Variants in ZNF479 observed in about 807,000 individuals in gnomAD.
ZNF479 encodes the protein KRAB zinc finger protein KR19.
Under a neutral mutation model 14.7 loss-of-function variants are expected in ZNF479, and 15 were observed. The observed-to-expected ratio is 1.02, with a 90% CI of 0.68 to 1.57. The LOEUF is 1.57. ZNF479 is among the 40% of genes most tolerant of loss of function. The pLI is 0.00. For missense variants in ZNF479, 506 were observed against 615.1 expected, an observed-to-expected ratio of 0.82 and a Z score of 1.88; for synonymous variants, 145 against 211.5, an observed-to-expected ratio of 0.69 and a Z score of 2.73.
At chr7:57,131,433 C>T (rs1251846970) in intron 1 of ZNF479, among the ~76,000 whole-genome samples, 2 of 151,774 alleles carry the variant, frequency 1.3e-5, no homozygotes, top group Admixed American at 6.6e-5. Context: ...CCTGGTGGCA[C>T]ACACCTGTAA....
At position 57,123,882 on chromosome 7, in the gene ZNF479, C is replaced by T. The variant is rs576449784; in HGVS notation, c.262+2136G>A. Among the ~76,000 whole-genome samples the T allele has an allele frequency of 2.6e-5, 4 of 151,434 alleles. No homozygotes were observed. The South Asian group carries it at 8.3e-4, about 32-fold the overall frequency. On this transcript the variant is annotated intron_variant, in intron 3 of 3. Coordinates refer to ENST00000319636, the MANE Select transcript of ZNF479 (RefSeq NM_001370129.2). ...AATCATACAGTATATGTTTTCTAACCCAAACTGAATAAAACTAAAAAGAAA... is the reference window on the plus strand; with the variant it reads ...AATCATACAGTATATGTTTTCTAACTCAAACTGAATAAAACTAAAAAGAAA...
chr7:57,121,214 C>T (rs1785932210), intron 3 of ZNF479, 62 bp from the exon 4 acceptor site: 1 of 1,604,914 alleles, frequency 6.2e-7, no homozygotes, highest in Non-Finnish European at 8.5e-7. Context: ...ATATTCTACA[C>T]ATGAAATATA....
At chr7:57,123,525 A>G (rs6980154) in intron 3 of ZNF479, among the ~76,000 whole-genome samples, 20,055 of 152,196 alleles carry the variant, frequency 0.13, 1,408 homozygotes, top group Admixed American at 0.18. Flanking sequence ...GTTAGAACAC[A>G]TAAGTCTTGG....
At chr7:57,131,057 C>T (rs1786395859) in intron 1 of ZNF479, among the ~76,000 whole-genome samples, 1 of 151,984 alleles carries the variant, frequency 6.6e-6, no homozygotes, top group South Asian at 2.1e-4. Flanking sequence ...ATAATGAGAA[C>T]ACGTGGACAC....
intron 1 of ZNF479, among the ~76,000 whole-genome samples, chr7:57,139,029 A>G (rs1333105373): frequency 6.6e-6 from 1 of 152,200 alleles, no homozygotes; most frequent in Non-Finnish European, 1.5e-5. Flanking sequence ...TACATTTGGG[A>G]TTGTTAACAA....
At chr7:57,133,286 G>C (rs976036873), upstream of ZNF479, among the ~76,000 whole-genome samples, 1 of 152,052 alleles carries the variant, frequency 6.6e-6, no homozygotes, top group Non-Finnish European at 1.5e-5. Flanking sequence ...CGTCCTCCCC[G>C]GTTCTTTCTC....
chr7:57,127,358 T>C (rs960016880), intron 1 of ZNF479, among the ~76,000 whole-genome samples: 3 of 152,146 alleles, frequency 2.0e-5, no homozygotes, highest in Non-Finnish European at 4.4e-5. Context: ...ATTTACATCA[T>C]ATAGAATAAG....
upstream of ZNF479, among the ~76,000 whole-genome samples, chr7:57,133,441 T>C (rs562852389): frequency 6.6e-6 from 1 of 152,314 alleles, no homozygotes; most frequent in South Asian, 2.1e-4. Context: ...AGCTATTTGT[T>C]TGTAGCAGTG....
In ZNF479 at chr7:57,127,022, TTTTC is replaced by T. The variant is rs796974980; in HGVS notation, c.40-308_40-305del. ...TTTTTCTTTTCTGTTTTTCTTTTTT[TTTTC>T]TTTTTTTTTTTTTTGAGACCGAGTC... On this transcript the variant is annotated intron_variant, in intron 1 of 3. Coordinates refer to ENST00000319636, the MANE Select transcript of ZNF479 (RefSeq NM_001370129.2). Among the ~76,000 whole-genome samples, 559 of 134,192 alleles carry T rather than the reference TTTTC, an allele frequency of 4.2e-3. 8 individuals are homozygous for T. The highest frequency in any genetic ancestry group is 0.012 in the African/African-American group (474 of 39,902). The allele number at this position is 134,192 out of a possible 152,430, so 88.0% of individuals were successfully genotyped here.
intron 1 of ZNF479, among the ~76,000 whole-genome samples, chr7:57,130,730 T>G (rs1464041235): frequency 1.3e-5 from 2 of 152,182 alleles, no homozygotes; most frequent in African/African-American, 4.8e-5. Flanking sequence ...AAAACAGAAT[T>G]ACCATTCCCA....
At chr7:57,123,606 G>A (rs890653951) in intron 3 of ZNF479, among the ~76,000 whole-genome samples, 14 of 152,116 alleles carry the variant, frequency 9.2e-5, no homozygotes, top group Admixed American at 2.0e-4. Flanking sequence ...GGCCAAGGTG[G>A]AAGAATCACT....
At chr7:57,125,078 A>T (rs551774755) in intron 3 of ZNF479, among the ~76,000 whole-genome samples, 24 of 151,224 alleles carry the variant, frequency 1.6e-4, no homozygotes, top group African/African-American at 5.1e-4. Context: ...GTCTCAAAAA[A>T]AAAGAAATGG....
chr7:57,130,650 A>G (rs944984947), intron 1 of ZNF479, among the ~76,000 whole-genome samples: 3 of 152,266 alleles, frequency 2.0e-5, no homozygotes, highest in Non-Finnish European at 4.4e-5. Context: ...GAATGCTTAT[A>G]TGCTGCTGGT....
rs563378037 is a variant in ZNF479 at position 57,130,932 on chromosome 7, C to A, written c.39+1354G>T. ...AAATATGATGCACTATAAGAAAGAACAACATCATGTCCTTTGCAGCAATGT... is the reference window on the plus strand; with the variant it reads ...AAATATGATGCACTATAAGAAAGAAAAACATCATGTCCTTTGCAGCAATGT... On this transcript the variant is annotated intron_variant, in intron 1 of 3. Transcript: ENST00000319636. Among the ~76,000 whole-genome samples the A allele has an allele frequency of 2.0e-5, 3 of 152,298 alleles. No homozygotes were observed. The East Asian group carries it at 5.8e-4, about 29-fold the overall frequency.
At chr7:57,132,875 C>T (rs1255321973), upstream of ZNF479, among the ~76,000 whole-genome samples, 1 of 152,144 alleles carries the variant, frequency 6.6e-6, no homozygotes, top group Non-Finnish European at 1.5e-5. Flanking sequence ...CAGTGGCTCA[C>T]ACCTATAATC....
intron 3 of ZNF479, among the ~76,000 whole-genome samples, chr7:57,122,126 A>G (rs1265017760): frequency 1.3e-5 from 2 of 152,150 alleles, no homozygotes; most frequent in Non-Finnish European, 2.9e-5. Flanking sequence ...GTCACAAACC[A>G]GAAGATAATC....
At chr7:57,134,303 G>GGACCTCT (rs1481881210), upstream of ZNF479, among the ~76,000 whole-genome samples, 3 of 152,126 alleles carry the variant, frequency 2.0e-5, no homozygotes, top group Admixed American at 2.0e-4. Flanking sequence ...GGAATGAAAG[G>GGACCTCT]GACCTCTGAT....
At chr7:57,130,317 A>T (rs1786358330) in intron 1 of ZNF479, among the ~76,000 whole-genome samples, 1 of 152,176 alleles carries the variant, frequency 6.6e-6, no homozygotes, top group Non-Finnish European at 1.5e-5. Context: ...TACTAAAAAC[A>T]CAAAAATTAG....
chr7:57,137,356 G>A (rs2115912512), upstream of ZNF479, among the ~76,000 whole-genome samples: 1 of 152,142 alleles, frequency 6.6e-6, no homozygotes, highest in Admixed American at 6.5e-5. Flanking sequence ...AAAAGAGTGG[G>A]GTTTCACTAT....
Sources: allele counts gnomAD v4.1 joint callset (sites outside exome capture counted in the v4.1 genomes callset), GRCh38; gene constraint gnomAD v4.1.1; transcripts MANE v1.5; gene names NCBI Gene and HGNC (gene_info 2026-07-23, HGNC 2026-07-21).